The following KIF18A variants were observed in gnomAD, a reference collection of about 807,000 sequenced individuals.
The protein encoded by KIF18A is kinesin-like protein KIF18A.
In KIF18A, 67 loss-of-function variants were observed where a neutral mutation model predicts 103.3. The observed-to-expected ratio is 0.65, with a 90% CI of 0.53 to 0.79. KIF18A has a LOEUF of 0.79. Among genes scored for constraint, KIF18A ranks in the 30% least tolerant of loss-of-function variants. The probability of loss-of-function intolerance (pLI) is 0.00; values close to 1 mark genes in which losing one functional copy is unlikely to be tolerated. For synonymous variants in KIF18A, 367 were observed against 355.5 expected (o/e 1.03, Z -0.36); for missense variants, 1,032 against 1,062.5 (o/e 0.97, Z 0.40).
At chr11:28,084,849 T>G (rs200362558) in intron 6 of KIF18A, 41 bp from the exon 7 acceptor site, 1 of 1,522,224 alleles carries the variant, frequency 6.6e-7, no homozygotes, top group Admixed American at 1.7e-5. Flanking sequence ...TTTTCCACAT[T>G]TAAATGCAAA....
At chr11:28,104,976 T>C (rs952750013) in intron 1 of KIF18A, among the ~76,000 whole-genome samples, 7 of 152,090 alleles carry the variant, frequency 4.6e-5, no homozygotes, top group African/African-American at 1.7e-4. Context: ...CATATTCTTT[T>C]GTAATATTTA....
At chr11:28,071,463 ATTAT>A (rs1374346897) in intron 10 of KIF18A, among the ~76,000 whole-genome samples, 1 of 149,406 alleles carries the variant, frequency 6.7e-6, no homozygotes, top group African/African-American at 2.4e-5. Context: ...TTAACATTTA[ATTAT>A]TTATAATTTA....
intron 13 of KIF18A, among the ~76,000 whole-genome samples, chr11:28,045,867 T>A (rs908341957): frequency 1.3e-5 from 2 of 151,366 alleles, no homozygotes; most frequent in Non-Finnish European, 2.9e-5. Flanking sequence ...AACAACCCCA[T>A]CAAAAAGTGG....
rs75092901 is a variant in KIF18A at position 28,061,882 on chromosome 11, A to C, written c.1712+513T>G. Among the ~76,000 whole-genome samples, 8 of 152,264 alleles carry C rather than the reference A, an allele frequency of 5.3e-5. No individual in the cohort carries two copies. The East Asian group carries it at 1.5e-3, about 29-fold the overall frequency. On this transcript the variant is annotated intron_variant, in intron 12 of 16. Coordinates refer to ENST00000263181, the MANE Select transcript of KIF18A (RefSeq NM_031217.4). Reference sequence around the variant, plus strand: ...ATACTTTTTATTATTATGTTTTAAAAACTAAATGACTAATGTTACTACTGA... The same window carrying C: ...ATACTTTTTATTATTATGTTTTAAACACTAAATGACTAATGTTACTACTGA...
At chr11:28,060,637 C>T (rs1850845512) in intron 12 of KIF18A, among the ~76,000 whole-genome samples, 1 of 152,122 alleles carries the variant, frequency 6.6e-6, no homozygotes, top group African/African-American at 2.4e-5. Flanking sequence ...AAGGTTGATA[C>T]CTGGCTGGTA....
chr11:28,068,517 A>T (rs1850967594), intron 11 of KIF18A, among the ~76,000 whole-genome samples: 1 of 150,424 alleles, frequency 6.6e-6, no homozygotes, highest in African/African-American at 2.4e-5. Context: ...AGTGTCTTCT[A>T]TCTACAGATA....
At chr11:28,051,788 G>A (rs766614358) in intron 13 of KIF18A, among the ~76,000 whole-genome samples, 2 of 151,830 alleles carry the variant, frequency 1.3e-5, no homozygotes, top group East Asian at 3.9e-4. Flanking sequence ...AACAACTCTC[G>A]AATTTATGTT....
chr11:28,075,270 C>A (rs1851074389), intron 10 of KIF18A, among the ~76,000 whole-genome samples: 3 of 152,122 alleles, frequency 2.0e-5, no homozygotes, highest in African/African-American at 7.2e-5. Context: ...AAAGCATAAA[C>A]ATAAGAGCAC....
At chr11:28,105,290 A>G (rs1004296647) in intron 1 of KIF18A, among the ~76,000 whole-genome samples, 3 of 152,164 alleles carry the variant, frequency 2.0e-5, no homozygotes, top group African/African-American at 7.2e-5. Flanking sequence ...TGGGATTTGA[A>G]CTCAGACTGA....
chr11:28,058,355 A>G (rs1307726909), intron 13 of KIF18A, among the ~76,000 whole-genome samples: 1 of 151,744 alleles, frequency 6.6e-6, no homozygotes, highest in Non-Finnish European at 1.5e-5. Context: ...TTGTTCCATC[A>G]AAAATAGATA....
chr11:28,072,335 A>G (rs1201879064), intron 10 of KIF18A, among the ~76,000 whole-genome samples: 1 of 152,162 alleles, frequency 6.6e-6, no homozygotes, highest in East Asian at 1.9e-4. Context: ...CTTACAGATT[A>G]TTTTTATGGG....
chr11:28,025,325 T>C (rs564207136), intron 15 of KIF18A, among the ~76,000 whole-genome samples: 85 of 152,102 alleles, frequency 5.6e-4, no homozygotes, highest in Non-Finnish European at 9.1e-4. Flanking sequence ...CACTTTTGTA[T>C]ATATCAGCTG....
chr11:28,103,663 C>T (rs1485496174), intron 1 of KIF18A, among the ~76,000 whole-genome samples: 2 of 151,766 alleles, frequency 1.3e-5, no homozygotes, highest in Non-Finnish European at 2.9e-5. Flanking sequence ...TCAAATATAC[C>T]AATGAATGAA....
Position 28,069,253 on chromosome 11 carries a change from T to C in KIF18A, c.1590+6A>G, listed in dbSNP as rs376716372. On this transcript the variant is annotated splice_donor_region_variant and intron_variant, in intron 11 of 16. Transcript: ENST00000263181. ...ATTAAATCTGAACATACAGAGATAT[T>C]TGTACCTTTGGAATATGACCGTTTT... 3.0e-5 allele frequency: 49 copies of C among 1,608,628 alleles called. No individual in the cohort carries two copies. The highest frequency in any genetic ancestry group is 3.4e-5 in the Non-Finnish European group (40 of 1,175,360).
chr11:28,074,313 A>AGAT (rs1336613330), intron 10 of KIF18A, among the ~76,000 whole-genome samples: 1 of 152,168 alleles, frequency 6.6e-6, no homozygotes, highest in African/African-American at 2.4e-5. Context: ...TAATCCAATG[A>AGAT]GATAGTTATT....
intron 1 of KIF18A, among the ~76,000 whole-genome samples, chr11:28,107,539 CGA>C (rs1851546358): frequency 6.6e-6 from 1 of 152,168 alleles, no homozygotes; most frequent in East Asian, 1.9e-4. Flanking sequence ...GCTTTTATCT[CGA>C]TGCTACCTAC....
chr11:28,093,693 T>C (rs1309369509), intron 3 of KIF18A, among the ~76,000 whole-genome samples: 1 of 152,050 alleles, frequency 6.6e-6, no homozygotes. Context: ...AAAGTAAAAA[T>C]GCAGGAGGCT....
intron 15 of KIF18A, among the ~76,000 whole-genome samples, chr11:28,026,303 T>A (rs1850319460): frequency 6.6e-6 from 1 of 151,790 alleles, no homozygotes; most frequent in Non-Finnish European, 1.5e-5. Flanking sequence ...TTCTTTATTT[T>A]AAAAACTATA....
chr11:28,061,016 T>G (rs1850850560), intron 12 of KIF18A, among the ~76,000 whole-genome samples: 1 of 152,224 alleles, frequency 6.6e-6, no homozygotes, highest in Non-Finnish European at 1.5e-5. Flanking sequence ...TTGCCGAATG[T>G]GCTTTGTAGC....
Sources: allele counts gnomAD v4.1 joint callset (sites outside exome capture counted in the v4.1 genomes callset), GRCh38; gene constraint gnomAD v4.1.1; transcripts MANE v1.5; gene names NCBI Gene and HGNC (gene_info 2026-07-23, HGNC 2026-07-21).